FRYL: variants seen among roughly 807,000 people sequenced by gnomAD.
FRYL encodes protein furry homolog-like.
Under a neutral mutation model 351.2 loss-of-function variants are expected in FRYL, and 150 were observed. The ratio of observed to expected loss-of-function variants is 0.43; its 90% CI spans 0.37 to 0.49. The LOEUF (loss-of-function observed/expected upper bound fraction) is 0.49. Among genes scored for constraint, FRYL ranks in the 20% least tolerant of loss-of-function variants. The probability of loss-of-function intolerance (pLI) is 0.00; values close to 1 mark genes in which losing one functional copy is unlikely to be tolerated. For missense variants in FRYL, 3,036 were observed against 3,619.3 expected, an observed-to-expected ratio of 0.84 and a Z score of 4.13; for synonymous variants, 1,153 against 1,257.1, an observed-to-expected ratio of 0.92 and a Z score of 1.75.
In FRYL at chr4:48,523,026, G is replaced by A; in HGVS notation, c.7396C>T (p.Leu2466Phe). The change falls in exon 54 of 64, where the codon CTC becomes TTC. Residue 2466 changes from leucine to phenylalanine, a missense_variant. Leu to Phe is a conservative substitution (Grantham distance 22, BLOSUM62 0). Around this residue, in one of 7 missense-constraint regions of FRYL, gnomAD observed 1,987 missense variants for 2,311.7 expected, o/e 0.86. Coordinates refer to ENST00000358350, the MANE Select transcript of FRYL (RefSeq NM_015030.2). ...DSIDKGDTPSLQEYQCSSSTP... is the reference protein window; with the variant it reads ...DSIDKGDTPSFQEYQCSSSTP... ...CTACTAGAGCACTGGTACTCCTGGAGGGATGGAGTGTCCCCTTTGTCAATA... is the reference window on the plus strand; with the variant it reads ...CTACTAGAGCACTGGTACTCCTGGAAGGATGGAGTGTCCCCTTTGTCAATA... 1 of 1,613,762 alleles carries A rather than the reference G, an allele frequency of 6.2e-7. No individual in the cohort carries two copies. Among genetic ancestry groups the A allele is most frequent in the Non-Finnish European group, 8.5e-7 (1 of 1,179,682 alleles).
chr4:48,540,538 T>C lies in FRYL; in HGVS notation c.6110A>G (p.Lys2037Arg). 2 of 1,614,072 alleles carry C rather than the reference T, an allele frequency of 1.2e-6. No homozygotes were observed. Among genetic ancestry groups the C allele is most frequent in the Non-Finnish European group, 1.7e-6 (2 of 1,179,948 alleles). ...TTCAATCTTCTCTCGACTCTCTGAT[T>C]TATCCAAAGGCAAATGGATAAGCAG... ...NKLLIHLPLD[K>R]SESREKIENV... is the part of the protein sequence containing the mutation. Residue 2037 changes from lysine (K) to arginine (R), a missense_variant, in exon 46 of 64, where the codon AAA (lysine) becomes AGA (arginine). Coordinates refer to ENST00000358350, the MANE Select transcript of FRYL (RefSeq NM_015030.2).
chr4:48,571,674 A>G lies in FRYL; in HGVS notation c.2905-756T>C. ...GGTGCATGATAATTTACTAATGACT[A>G]ATCAATTACATTTACTTTTCTCTTG... On this transcript the variant is annotated intron_variant, in intron 26 of 63. Transcript: ENST00000358350. 2 of 985,170 alleles carry G rather than the reference A, an allele frequency of 2.0e-6. 1 individual carries two copies. The highest frequency in any genetic ancestry group is 2.4e-6 in the Non-Finnish European group (2 of 829,656). The allele number at this position is 985,170 out of a possible 1,614,324, so 61.0% of individuals were successfully genotyped here. A position where few individuals can be genotyped will look rare whatever the true frequency, so the allele number is the denominator to read the frequency against.
intron 10 of FRYL, 98 bp downstream of exon 10, chr4:48,606,340 T>C: frequency 1.5e-6 from 1 of 688,386 alleles, no homozygotes; most frequent in Non-Finnish European, 2.3e-6. Flanking sequence ...CTAAAAATGA[T>C]GCCATTAATT....
chr4:48,548,553 A>C, intron 40 of FRYL, 137 bp downstream of exon 40: 1 of 616,186 alleles, frequency 1.6e-6, no homozygotes, highest in Non-Finnish European at 2.9e-6. Context: ...GACCAGAGGA[A>C]TCATAGTGAA....
At chr4:48,554,219 T>A (rs773034341) in intron 35 of FRYL, among the ~76,000 whole-genome samples, 6 of 152,176 alleles carry the variant, frequency 3.9e-5, no homozygotes, top group Non-Finnish European at 8.8e-5. Flanking sequence ...AAATAGAGAA[T>A]CTCAGGCCCA....
At chr4:48,736,979 T>C (rs1466854861) in intron 1 of FRYL, among the ~76,000 whole-genome samples, 1 of 151,052 alleles carries the variant, frequency 6.6e-6, no homozygotes, top group African/African-American at 2.4e-5. Context: ...AAATTACTAA[T>C]ATTAGAAATG....
At chr4:48,663,948 G>T (rs932905789) in intron 3 of FRYL, among the ~76,000 whole-genome samples, 3 of 152,166 alleles carry the variant, frequency 2.0e-5, no homozygotes, top group African/African-American at 7.2e-5. Flanking sequence ...ACTCACAGAG[G>T]AAACCAGAGG....
chr4:48,659,372 GAGAAGA>G (rs142759535), intron 3 of FRYL, among the ~76,000 whole-genome samples: 1,431 of 3,202 alleles, frequency 0.45, 476 homozygotes, highest in Middle Eastern at 0.83. Flanking sequence ...AAAAAAGAGA[GAGAAGA>G]AGAAGGAGAA....
At chr4:48,722,231 A>G (rs992277202) in intron 1 of FRYL, among the ~76,000 whole-genome samples, 6 of 152,202 alleles carry the variant, frequency 3.9e-5, no homozygotes, top group Admixed American at 1.3e-4. Context: ...TGGGAAGCAG[A>G]TACTAAGTTG....
chr4:48,619,941 G>GT (rs1750315144), intron 6 of FRYL, among the ~76,000 whole-genome samples: 1 of 152,176 alleles, frequency 6.6e-6, no homozygotes, highest in South Asian at 2.1e-4. Flanking sequence ...AAGAAGAAAA[G>GT]TATTTTAAAT....
chr4:48,635,237 T>G (rs1203486218), intron 3 of FRYL, among the ~76,000 whole-genome samples: 1 of 152,160 alleles, frequency 6.6e-6, no homozygotes. Flanking sequence ...AGCATTAATA[T>G]GGAGAGGGAT....
intron 4 of FRYL, among the ~76,000 whole-genome samples, chr4:48,632,104 A>ATATATATGTG (rs1553957627): frequency 1.0e-4 from 5 of 49,900 alleles, no homozygotes; most frequent in East Asian, 6.4e-4. Context: ...ATATATATAT[A>ATATATATGTG]TATATATATA....
At chr4:48,582,160 G>A (rs1402503596) in intron 20 of FRYL, among the ~76,000 whole-genome samples, 1 of 152,078 alleles carries the variant, frequency 6.6e-6, no homozygotes, top group Non-Finnish European at 1.5e-5. Context: ...CTGGTGACAT[G>A]GATAAAACAA....
rs1205416033 is a variant in FRYL at position 48,506,614 on chromosome 4, TAATATA to T, written c.8395-1005_8395-1000del. ...AAATTATACTATTAAACAATACAAC[TAATATA>T]TATATATATATATATATATATATAT... On this transcript the variant is annotated intron_variant, in intron 59 of 63. Transcript: ENST00000358350. The T allele has an allele frequency of 3.2e-3, 252 of 77,980 alleles. 4 individuals carry two copies. Among genetic ancestry groups the T allele is most frequent in the Middle Eastern group, 6.8e-3 (1 of 148 alleles). 4.8% of individuals were successfully genotyped at this position (77,980 alleles called of 1,614,324 possible).
chr4:48,665,213 G>C (rs1027312569), intron 3 of FRYL, among the ~76,000 whole-genome samples: 8 of 152,060 alleles, frequency 5.3e-5, no homozygotes, highest in African/African-American at 1.7e-4. Context: ...TTTGTTCCTG[G>C]CTTTTGGTTT....
intron 3 of FRYL, among the ~76,000 whole-genome samples, chr4:48,655,940 T>C (rs898497627): frequency 7.2e-6 from 1 of 139,554 alleles, no homozygotes; most frequent in African/African-American, 2.6e-5. Flanking sequence ...GTACATTATA[T>C]GCGTAATTAT....
At chr4:48,744,926 C>A (rs1772502487) in intron 1 of FRYL, among the ~76,000 whole-genome samples, 1 of 152,124 alleles carries the variant, frequency 6.6e-6, no homozygotes, top group Admixed American at 6.6e-5. Context: ...ATGAATAGTG[C>A]TTCTGTGTAC....
At chr4:48,557,996 A>C (rs1319311032) in intron 33 of FRYL, among the ~76,000 whole-genome samples, 1 of 152,236 alleles carries the variant, frequency 6.6e-6, no homozygotes, top group Non-Finnish European at 1.5e-5. Context: ...TCTGGGAAAC[A>C]GTATGATGGT....
chr4:48,664,489 A>G (rs1024975477), intron 3 of FRYL, among the ~76,000 whole-genome samples: 2 of 152,246 alleles, frequency 1.3e-5, no homozygotes, highest in Admixed American at 6.5e-5. Context: ...GAAAAACATA[A>G]GTAAAGTTAA....
Sources: gnomAD v4.1 joint callset for allele counts (sites outside exome capture counted in the v4.1 genomes callset) on GRCh38, gnomAD v4.1.1 for gene constraint, gnomAD v4.1.1 regional missense constraint, MANE v1.5 for transcripts, NCBI Gene and HGNC (gene_info 2026-07-23, HGNC 2026-07-21) for gene names.